SHANK1: variants seen among roughly 807,000 people sequenced by gnomAD.
SHANK1 encodes SH3 and multiple ankyrin repeat domains protein 1.
A neutral mutation model predicts 165.6 loss-of-function variants in SHANK1; 35 were observed. The ratio of observed to expected loss-of-function variants is 0.21; its 90% confidence interval spans 0.16 to 0.28. SHANK1 has a LOEUF of 0.28. Among genes scored for constraint, SHANK1 ranks in the 10% least tolerant of loss-of-function variants. The pLI, the probability that SHANK1 is intolerant of heterozygous loss-of-function variation, is 1.00. For missense variants in SHANK1, 2,681 were observed against 3,036.4 expected, an observed-to-expected ratio of 0.88 and a Z score of 2.75; for synonymous variants, 1,428 against 1,384.8, an observed-to-expected ratio of 1.03 and a Z score of -0.69.
At position 50,667,322 on chromosome 19, in the gene SHANK1, G is replaced by A. The variant is rs1985569742; in HGVS notation, c.4638C>T (p.Val1546=). 3 of 1,584,158 alleles carry A rather than the reference G, an allele frequency of 1.9e-6. No individual in the cohort carries two copies. The highest frequency in any genetic ancestry group is 2.7e-5 in the African/African-American group (2 of 74,706). The part of the protein sequence containing the change: ...ASEENGLPLL[V]LPPPAPSVDV... ...CCACCGAGGGGGCGGGAGGCGGCAGGACCAGCAGGGGCAGCCCGTTCTCTT... is the reference window on the plus strand; with the variant it reads ...CCACCGAGGGGGCGGGAGGCGGCAGAACCAGCAGGGGCAGCCCGTTCTCTT... The change falls in exon 23 of 24, where the codon GTC becomes GTT. Residue 1546 remains valine (V), a synonymous_variant. Transcript: ENST00000293441. The surrounding 1 kb of genome is among the most constrained non-coding windows in gnomAD (Gnocchi z 5.7).
chr19:50,702,776 C>T lies in SHANK1; in HGVS notation c.1554-116G>A, dbSNP rs953422080. On this transcript the variant is annotated intron_variant, in intron 11 of 23. Transcript: ENST00000293441. The surrounding 1 kb of genome is among the most constrained non-coding windows in gnomAD (Gnocchi z 5.3). ...GTGCATCAGGGGGGAGGGGGGGTTT[C>T]CCAGCACTGGCGTCCTCCAAGGAAG... The T allele has an allele frequency of 7.5e-6, 5 of 666,822 alleles. No individual in the cohort carries two copies. The highest frequency in any genetic ancestry group is 3.0e-5 in the Admixed American group (1 of 33,614). 41.3% of individuals were successfully genotyped at this position (666,822 alleles called of 1,614,324 possible).
chr19:50,685,661 T>G (rs976708864), intron 21 of SHANK1, among the ~76,000 whole-genome samples: 11 of 151,894 alleles, frequency 7.2e-5, no homozygotes, highest in African/African-American at 2.7e-4. Flanking sequence ...GGGGCAGAGG[T>G]TGCAGTGAGC....
At chr19:50,696,182 G>A (rs1986733742) in intron 15 of SHANK1, among the ~76,000 whole-genome samples, 1 of 152,194 alleles carries the variant, frequency 6.6e-6, no homozygotes, top group South Asian at 2.1e-4. Flanking sequence ...GGTAGGACAA[G>A]TGACCCCCAC....
chr19:50,667,151 G>A lies in SHANK1; in HGVS notation c.4809C>T (p.Pro1603=), dbSNP rs944977311. ...PDTPAPATPL[P]PVPPPAVAAA... is the part of the protein sequence containing the mutation. ...CGGCCACAGCCGGGGGTGGCACAGG[G>A]GGTAACGGGGTGGCAGGGGCAGGTG... The change falls in exon 23 of 24, where the codon CCC becomes CCT. Residue 1603 remains proline (P), a synonymous_variant. Transcript: ENST00000293441. This position sits in a 1 kb window ranked among gnomAD's most constrained non-coding sequence, Gnocchi z 5.7. The A allele has an allele frequency of 3.7e-5, 58 of 1,556,724 alleles. No individual in the cohort carries two copies. The highest frequency in any genetic ancestry group is 4.5e-5 in the Non-Finnish European group (52 of 1,157,748).
chr19:50,691,669 T>TATC (rs1288982872), intron 15 of SHANK1, among the ~76,000 whole-genome samples: 1 of 152,198 alleles, frequency 6.6e-6, no homozygotes, highest in East Asian at 1.9e-4. Context: ...AGTTCTACTT[T>TATC]ATCTATGTAT....
At position 50,667,213 on chromosome 19, in the gene SHANK1, G is replaced by A. The variant is rs1985564241; in HGVS notation, c.4747C>T (p.Pro1583Ser). 1 of 1,580,650 alleles carries A rather than the reference G, an allele frequency of 6.3e-7. No homozygotes were observed. Among genetic ancestry groups the A allele is most frequent in the Non-Finnish European group, 8.5e-7 (1 of 1,170,984 alleles). ...FSNSFEKPESPLTPGPPHPLP... is the reference protein window; with the variant it reads ...FSNSFEKPESSLTPGPPHPLP... ...GGGTGGGGAGGCCCAGGCGTGAGGG[G>A]CGACTCTGGCTTTTCGAAGCTGTTG... The change falls in exon 23 of 24, where the codon CCC becomes TCC. Residue 1583 changes from proline to serine, a missense_variant. By Grantham distance (74) the Pro-to-Ser change is moderately conservative (BLOSUM62 -1). Transcript: ENST00000293441. This position sits in a 1 kb window ranked among gnomAD's most constrained non-coding sequence, Gnocchi z 5.7.
At chr19:50,687,367 C>T (rs963357081) in intron 19 of SHANK1, among the ~76,000 whole-genome samples, 1 of 152,000 alleles carries the variant, frequency 6.6e-6, no homozygotes, top group Non-Finnish European at 1.5e-5. Flanking sequence ...GAGACCCCAA[C>T]GGAGAAACAG....
At position 50,662,637 on chromosome 19, in the gene SHANK1, G is replaced by A. The variant is rs1395613690; in HGVS notation, c.5814C>T (p.Ser1938=). The part of the protein sequence containing the change: ...SQSSLLSKPV[S]SLFQNWPKPP... Reference sequence around the variant, plus strand: ...GTTTGGGCCAGTTCTGAAACAGGCTGCTGACAGGCTTGGAGAGGAGTGAGG... The same window carrying A: ...GTTTGGGCCAGTTCTGAAACAGGCTACTGACAGGCTTGGAGAGGAGTGAGG... The change falls in exon 24 of 24, where the codon AGC becomes AGT. Residue 1938 remains serine (S), a synonymous_variant. Coordinates refer to ENST00000293441, the MANE Select transcript of SHANK1 (RefSeq NM_016148.5). This position sits in a 1 kb window ranked among gnomAD's most constrained non-coding sequence, Gnocchi z 7.7. 1.3e-6 allele frequency: 2 copies of A among 1,566,760 alleles called. No individual in the cohort carries two copies. The highest frequency in any genetic ancestry group is 1.7e-6 in the Non-Finnish European group (2 of 1,155,536).
chr19:50,689,306 G>T (rs376327701), intron 15 of SHANK1, 27 bp from the exon 16 acceptor site: 2 of 1,469,404 alleles, frequency 1.4e-6, no homozygotes, highest in African/African-American at 1.4e-5. Context: ...AGAAATGGGG[G>T]GGTGGTGGGG....
At chr19:50,693,167 T>G (rs898080200) in intron 15 of SHANK1, among the ~76,000 whole-genome samples, 1 of 151,332 alleles carries the variant, frequency 6.6e-6, no homozygotes, top group Non-Finnish European at 1.5e-5. Flanking sequence ...TTCATTTACA[T>G]TCCCTGTGTC....
At chr19:50,685,503 C>T (rs1022769463) in intron 21 of SHANK1, among the ~76,000 whole-genome samples, 1 of 152,170 alleles carries the variant, frequency 6.6e-6, no homozygotes, top group East Asian at 1.9e-4. Context: ...GCGGGCAGAT[C>T]ACTTGAGGCC....
chr19:50,716,835 A>G lies in SHANK1; in HGVS notation c.85T>C (p.Ser29Pro), dbSNP rs757580347. 3 of 1,561,612 alleles carry G rather than the reference A, an allele frequency of 1.9e-6. No individual in the cohort carries two copies. The highest frequency in any genetic ancestry group is 2.6e-6 in the Non-Finnish European group (3 of 1,158,460). ...GGGCCTCGACCTGGCCCGTCTGGGG[A>G]GCTGTCGGACTCTGAGCCCCCCTCG... The part of the protein sequence containing the change: ...CPEGGSESDS[S>P]PDGPGRGPRG... The change falls in exon 2 of 24, where the codon TCC becomes CCC. Residue 29 changes from serine (S) to proline (P), a missense_variant. Physicochemically the swap from Ser to Pro is moderately conservative, Grantham distance 74 (BLOSUM62 -1). Coordinates refer to ENST00000293441, the MANE Select transcript of SHANK1 (RefSeq NM_016148.5). This position sits in a 1 kb window ranked among gnomAD's most constrained non-coding sequence, Gnocchi z 8.4.
In SHANK1 at chr19:50,668,032, A is replaced by G. The variant is rs778741132; in HGVS notation, c.3928T>C (p.Tyr1310His). ...CGGCTACCGGCCCCGTAGCCGCCGT[A>G]GCCCGCGCCGCTGCCCGCAGACTCC... ...RLESAGSGAG[Y>H]GGYGAGSRAY... Residue 1310 changes from tyrosine (Y) to histidine (H), a missense_variant, in exon 23 of 24, where the codon TAC (tyrosine) becomes CAC (histidine). Transcript: ENST00000293441. The G allele has an allele frequency of 1.3e-5, 19 of 1,476,118 alleles. No individual in the cohort carries two copies. In the Admixed American group the frequency reaches 3.9e-4, roughly 31 times the overall value. 91.4% of individuals were successfully genotyped at this position (1,476,118 alleles called of 1,614,324 possible).
chr19:50,666,168 TG>T, intron 23 of SHANK1, 23 bp downstream of exon 23: 1 of 1,545,642 alleles, frequency 6.5e-7, no homozygotes. Context: ...TGGCCTCCCT[TG>T]TTGGCCACCA....
intron 21 of SHANK1, among the ~76,000 whole-genome samples, chr19:50,683,362 C>A (rs1986234533): frequency 6.6e-6 from 1 of 152,166 alleles, no homozygotes; most frequent in East Asian, 1.9e-4. Context: ...ATGGGGTTGC[C>A]ACACATTTCC....
chr19:50,667,419 T>C lies in SHANK1; in HGVS notation c.4541A>G (p.Asp1514Gly). The C allele has an allele frequency of 6.6e-7, 1 of 1,518,018 alleles. No individual in the cohort carries two copies. The highest frequency in any genetic ancestry group is 8.8e-7 in the Non-Finnish European group (1 of 1,139,896). 94.0% of individuals were successfully genotyped at this position (1,518,018 alleles called of 1,614,324 possible). A position where few individuals can be genotyped will look rare whatever the true frequency, so the allele number is the denominator to read the frequency against. Residue 1514 changes from aspartate to glycine, a missense_variant, in exon 23 of 24, where the codon GAC (aspartate) becomes GGC (glycine). Physicochemically the swap from Asp to Gly is moderately conservative, Grantham distance 94. Coordinates refer to ENST00000293441, the MANE Select transcript of SHANK1 (RefSeq NM_016148.5). The surrounding 1 kb of genome is among the most constrained non-coding windows in gnomAD (Gnocchi z 5.7). ...VTSGRGPPSE[D>G]GPGVPPPSPR... ...GCTGGGCGGCGGGACCCCCGGCCCG[T>C]CCTCCGAGGGGGGACCCCTTCCGCT...
At position 50,717,840 on chromosome 19, in the gene SHANK1, G is replaced by C. The variant is rs2089086775; in HGVS notation, c.-43-878C>G. On this transcript the variant is annotated intron_variant, in intron 1 of 23. Coordinates refer to ENST00000293441, the MANE Select transcript of SHANK1 (RefSeq NM_016148.5). This position sits in a 1 kb window ranked among gnomAD's most constrained non-coding sequence, Gnocchi z 5.5. ...TACTAGGGGCTCCACTCTGAGGACT[G>C]GGGGTGTTAGGAGGGAGGCTAAGAA... 6.6e-6 allele frequency among the ~76,000 whole-genome samples: 1 copy of C among 152,064 alleles called. No individual in the cohort carries two copies. The highest frequency in any genetic ancestry group is 2.1e-4 in the South Asian group (1 of 4,824).
Position 50,716,592 on chromosome 19 carries a change from A to G in SHANK1, c.255+73T>C, listed in dbSNP as rs2089072335. 5 of 1,556,096 alleles carry G rather than the reference A, an allele frequency of 3.2e-6. No individual in the cohort carries two copies. In the Middle Eastern group the frequency reaches 8.7e-4, roughly 271 times the overall value. On this transcript the variant is annotated intron_variant, in intron 2 of 23. Coordinates refer to ENST00000293441, the MANE Select transcript of SHANK1 (RefSeq NM_016148.5). The surrounding 1 kb of genome is among the most constrained non-coding windows in gnomAD (Gnocchi z 8.4). Reference sequence around the variant, plus strand: ...GGGGGTGATTCCTGGGAGGATACCCAGCACCAGTGGACTCCCCATGTCGGT... The same window carrying G: ...GGGGGTGATTCCTGGGAGGATACCCGGCACCAGTGGACTCCCCATGTCGGT...
chr19:50,676,267 C>T (rs1985979895), intron 21 of SHANK1, among the ~76,000 whole-genome samples: 1 of 152,096 alleles, frequency 6.6e-6, no homozygotes, highest in South Asian at 2.1e-4. Flanking sequence ...CGTGCCACTG[C>T]ACTCCTGCTT....
Sources: allele counts gnomAD v4.1 joint callset (sites outside exome capture counted in the v4.1 genomes callset), GRCh38; gene constraint gnomAD v4.1.1; non-coding constraint Gnocchi (gnomAD v3.1); transcripts MANE v1.5; gene names NCBI Gene and HGNC (gene_info 2026-07-23, HGNC 2026-07-21).